The following WDR43 variants were observed in gnomAD, a reference collection of about 807,000 sequenced individuals.
WDR43 encodes the protein WD repeat domain 43.
Under a neutral mutation model 91.4 loss-of-function variants are expected in WDR43, and 13 were observed. The ratio of observed to expected loss-of-function variants is 0.14; its 90% CI spans 0.09 to 0.23. The LOEUF (loss-of-function observed/expected upper bound fraction) is 0.23, where lower values mean the gene tolerates loss of function less well. WDR43 is among the 10% of genes least tolerant of loss of function. The probability of loss-of-function intolerance (pLI) is 1.00; values close to 1 mark genes in which losing one functional copy is unlikely to be tolerated. For missense variants in WDR43, 780 were observed against 809.4 expected, an observed-to-expected ratio of 0.96 and a Z score of 0.44; for synonymous variants, 331 against 287.9, an observed-to-expected ratio of 1.15 and a Z score of -1.51.
At chr2:28,919,651 G>A (rs1263629325) in intron 6 of WDR43, among the ~76,000 whole-genome samples, 4 of 149,964 alleles carry the variant, frequency 2.7e-5, no homozygotes, top group South Asian at 2.1e-4. Flanking sequence ...GCGAGACTCC[G>A]TCTCAAAAAA....
At chr2:28,937,046 C>A in intron 13 of WDR43, 93 bp downstream of exon 13, 1 of 1,274,462 alleles carries the variant, frequency 7.8e-7, no homozygotes, top group Non-Finnish European at 1.1e-6. Context: ...AAAACTCTTT[C>A]AGTGTCAAAT....
intron 10 of WDR43, among the ~76,000 whole-genome samples, chr2:28,928,883 C>T (rs957487499): frequency 6.6e-6 from 1 of 152,086 alleles, no homozygotes; most frequent in Non-Finnish European, 1.5e-5. Context: ...CCATGTTGCC[C>T]AGGCTGGTCT....
intron 1 of WDR43, 147 bp downstream of exon 1, chr2:28,895,070 C>A: frequency 2.6e-6 from 2 of 773,154 alleles, no homozygotes; most frequent in Non-Finnish European, 3.5e-6. Context: ...CGTTCAGGGC[C>A]CAAGCCGCCA....
At chr2:28,935,693 C>T (rs548566548) in intron 12 of WDR43, 86 bp downstream of exon 12, 22 of 757,288 alleles carry the variant, frequency 2.9e-5, no homozygotes, top group African/African-American at 2.1e-4. Context: ...ATTTGTAATA[C>T]GTAAGGACAC....
chr2:28,946,734 T>C lies in WDR43; in HGVS notation c.1989T>C (p.Asn663=). 1 of 1,586,762 alleles carries C rather than the reference T, an allele frequency of 6.3e-7. No individual in the cohort carries two copies. The highest frequency in any genetic ancestry group is 8.6e-7 in the Non-Finnish European group (1 of 1,166,552). The change falls in exon 18 of 18, where the codon AAT becomes AAC. Residue 663 remains asparagine (N), a synonymous_variant. Coordinates refer to ENST00000407426, the MANE Select transcript of WDR43 (RefSeq NM_015131.3). ...DRDTASEKEL[N]GDSDLDPENE... is the part of the protein sequence containing the mutation. ...ATACAGCAAGTGAAAAAGAATTAAA[T>C]GGAGATTCTGATTTAGATCCTGAAA...
intron 6 of WDR43, among the ~76,000 whole-genome samples, chr2:28,919,867 C>T (rs1558375760): frequency 6.6e-6 from 1 of 151,886 alleles, no homozygotes; most frequent in Non-Finnish European, 1.5e-5. Context: ...TTTTTGGAGA[C>T]AGAGTCTCTG....
chr2:28,915,106 A>G (rs529975842), intron 5 of WDR43, among the ~76,000 whole-genome samples: 8 of 152,272 alleles, frequency 5.3e-5, no homozygotes, highest in African/African-American at 1.9e-4. Flanking sequence ...TAAAGTTACT[A>G]TGAATTTATA....
intron 6 of WDR43, among the ~76,000 whole-genome samples, chr2:28,920,545 A>T (rs991465563): frequency 3.3e-5 from 5 of 151,898 alleles, no homozygotes; most frequent in African/African-American, 7.3e-5. Context: ...TTAAACCTTT[A>T]TTTGTGTGTG....
At chr2:28,920,135 C>T (rs1213994900) in intron 6 of WDR43, among the ~76,000 whole-genome samples, 6 of 151,684 alleles carry the variant, frequency 4.0e-5, no homozygotes, top group East Asian at 3.9e-4. Context: ...TGTGAGCCAC[C>T]GTGCCTGGCC....
intron 1 of WDR43, among the ~76,000 whole-genome samples, chr2:28,900,999 T>G (rs544934828): frequency 4.6e-5 from 7 of 152,238 alleles, no homozygotes; most frequent in Admixed American, 4.6e-4. Flanking sequence ...GTGGTTGTCA[T>G]TGGTTTTTCT....
At chr2:28,929,776 G>A (rs982865383) in intron 11 of WDR43, 66 bp downstream of exon 11, 2 of 1,500,504 alleles carry the variant, frequency 1.3e-6, no homozygotes, top group East Asian at 2.3e-5. Flanking sequence ...GATTGACATA[G>A]CACATTCACA....
intron 16 of WDR43, among the ~76,000 whole-genome samples, chr2:28,942,854 T>C (rs1216274525): frequency 6.6e-6 from 1 of 152,030 alleles, no homozygotes; most frequent in East Asian, 1.9e-4. Flanking sequence ...TGGGCTCAAG[T>C]GATCCCAATG....
At chr2:28,898,546 G>GT (rs1272911870) in intron 1 of WDR43, among the ~76,000 whole-genome samples, 1 of 152,194 alleles carries the variant, frequency 6.6e-6, no homozygotes, top group Non-Finnish European at 1.5e-5. Flanking sequence ...TGCAGTGGCA[G>GT]TGAGATAGAT....
chr2:28,909,386 G>A (rs1261697973), intron 3 of WDR43, among the ~76,000 whole-genome samples: 1 of 152,126 alleles, frequency 6.6e-6, no homozygotes, highest in African/African-American at 2.4e-5. Context: ...ACCCGCCTCG[G>A]CCTCCCAAAG....
chr2:28,896,289 C>G (rs906083604), intron 1 of WDR43, among the ~76,000 whole-genome samples: 6 of 152,108 alleles, frequency 3.9e-5, no homozygotes, highest in Non-Finnish European at 7.4e-5. Context: ...CTAGCCTCTG[C>G]TTCATAGTGG....
rs376981177 is a variant in WDR43, at chr2:28,936,844, T to C, written c.1525-78T>C. ...TTATTAGAATAATAATTTCTCAATA[T>C]TGTCATTGTATCATAGGAATTGACA... On this transcript the variant is annotated intron_variant, in intron 12 of 17. Coordinates refer to ENST00000407426, the MANE Select transcript of WDR43 (RefSeq NM_015131.3). 3 of 1,257,954 alleles carry C rather than the reference T, an allele frequency of 2.4e-6. No homozygotes were observed. The African/African-American group carries it at 4.5e-5, about 19-fold the overall frequency. 77.9% of individuals were successfully genotyped at this position (1,257,954 alleles called of 1,614,324 possible). A position where few individuals can be genotyped will look rare whatever the true frequency, so the allele number is the denominator to read the frequency against.
chr2:28,945,466 T>A (rs774347382), intron 16 of WDR43, among the ~76,000 whole-genome samples: 4 of 152,224 alleles, frequency 2.6e-5, no homozygotes, highest in African/African-American at 4.8e-5. Context: ...CCCTTTTTCA[T>A]GACATGGACT....
At chr2:28,910,373 G>A (rs889997863) in intron 3 of WDR43, among the ~76,000 whole-genome samples, 1 of 152,148 alleles carries the variant, frequency 6.6e-6, no homozygotes, top group Non-Finnish European at 1.5e-5. Context: ...TGTGGGAATC[G>A]ATAAATTGGC....
chr2:28,917,211 G>T (rs182471398), intron 5 of WDR43, among the ~76,000 whole-genome samples: 6 of 152,272 alleles, frequency 3.9e-5, no homozygotes, highest in Admixed American at 1.3e-4. Context: ...AGGCAACTCA[G>T]ATTTTTCGCT....
Sources: gnomAD v4.1 joint callset for allele counts (sites outside exome capture counted in the v4.1 genomes callset) on GRCh38, gnomAD v4.1.1 for gene constraint, MANE v1.5 for transcripts, NCBI Gene and HGNC (gene_info 2026-07-23, HGNC 2026-07-21) for gene names.